Variants in PTPRK observed in about 807,000 individuals in gnomAD.
PTPRK encodes the protein receptor-type tyrosine-protein phosphatase kappa.
In PTPRK, 75 loss-of-function variants were observed where a neutral mutation model predicts 178.0. The ratio of observed to expected loss-of-function variants is 0.42; its 90% CI spans 0.35 to 0.51. The LOEUF (loss-of-function observed/expected upper bound fraction) is 0.51, where lower values mean the gene tolerates loss of function less well. PTPRK is among the 20% of genes least tolerant of loss of function. The probability of loss-of-function intolerance (pLI) is 0.02; values close to 1 mark genes in which losing one functional copy is unlikely to be tolerated. For missense variants in PTPRK, 1,441 were observed against 1,797.8 expected, an observed-to-expected ratio of 0.80 and a Z score of 3.59; for synonymous variants, 637 against 620.6, an observed-to-expected ratio of 1.03 and a Z score of -0.39.
intron 13 of PTPRK, among the ~76,000 whole-genome samples, chr6:128,024,546 C>T (rs371140498): frequency 1.3e-4 from 20 of 152,238 alleles, no homozygotes; most frequent in Admixed American, 7.2e-4. Context: ...TGGTGGCTCA[C>T]GCCTGTAATC....
chr6:128,414,549 T>C (rs1842639578), intron 1 of PTPRK, among the ~76,000 whole-genome samples: 1 of 152,212 alleles, frequency 6.6e-6, no homozygotes, highest in African/African-American at 2.4e-5. Flanking sequence ...AAAAAATGAA[T>C]CAAATAGGTG....
chr6:128,406,676 T>A (rs1024118240), intron 1 of PTPRK, among the ~76,000 whole-genome samples: 6 of 152,170 alleles, frequency 3.9e-5, no homozygotes, highest in African/African-American at 1.4e-4. Flanking sequence ...CCCTTTCTCA[T>A]AAAGACAGCA....
At chr6:128,028,391 C>G (rs1261242888) in intron 13 of PTPRK, among the ~76,000 whole-genome samples, 2 of 152,196 alleles carry the variant, frequency 1.3e-5, no homozygotes, top group African/African-American at 4.8e-5. Flanking sequence ...CTGTTGATAG[C>G]TGCCACCCTG....
chr6:128,193,468 ATACT>A (rs1457976075), intron 6 of PTPRK, among the ~76,000 whole-genome samples: 1 of 148,588 alleles, frequency 6.7e-6, no homozygotes, highest in Non-Finnish European at 1.5e-5. Context: ...AATTGTACTA[ATACT>A]TGTGTGTGTG....
chr6:128,099,894 T>G (rs1049544186), intron 7 of PTPRK, among the ~76,000 whole-genome samples: 2 of 152,076 alleles, frequency 1.3e-5, no homozygotes, highest in African/African-American at 4.8e-5. Context: ...ATTATAAATT[T>G]TATTGATTTG....
chr6:128,418,598 C>T (rs553839973), intron 1 of PTPRK, among the ~76,000 whole-genome samples: 1 of 152,258 alleles, frequency 6.6e-6, no homozygotes, highest in African/African-American at 2.4e-5. Context: ...CAATCCCTCA[C>T]CCTCATCTGG....
chr6:127,979,804 G>C (rs9491896), intron 25 of PTPRK, among the ~76,000 whole-genome samples: 1 of 152,178 alleles, frequency 6.6e-6, no homozygotes, highest in Non-Finnish European at 1.5e-5. Context: ...GGTTTCATAG[G>C]AGAAAGGGCA....
At chr6:128,428,856 C>T (rs1469244613) in intron 1 of PTPRK, among the ~76,000 whole-genome samples, 3 of 152,150 alleles carry the variant, frequency 2.0e-5, no homozygotes, top group African/African-American at 7.2e-5. Flanking sequence ...GTATTCAATA[C>T]ATTGCATGAG....
chr6:128,472,426 C>A (rs1368051560), intron 1 of PTPRK, among the ~76,000 whole-genome samples: 2 of 149,166 alleles, frequency 1.3e-5, no homozygotes, highest in Non-Finnish European at 3.0e-5. Flanking sequence ...TGACACCCCC[C>A]CCCCCTTTAG....
intron 1 of PTPRK, among the ~76,000 whole-genome samples, chr6:128,418,148 A>G (rs927317214): frequency 7.2e-5 from 11 of 152,228 alleles, no homozygotes; most frequent in African/African-American, 2.7e-4. Flanking sequence ...ACCATCTAAA[A>G]TCCATTAGGT....
chr6:128,309,884 TA>T (rs147835641), intron 3 of PTPRK, among the ~76,000 whole-genome samples: 10,157 of 152,120 alleles, frequency 0.067, 374 homozygotes, highest in Non-Finnish European at 0.071. Flanking sequence ...AAAAATGGTT[TA>T]AGTAATCTCC....
intron 2 of PTPRK, among the ~76,000 whole-genome samples, chr6:128,382,241 T>C (rs1838036275): frequency 6.6e-6 from 1 of 151,190 alleles, no homozygotes; most frequent in South Asian, 2.1e-4. Flanking sequence ...GTTTATATGA[T>C]ATGCTGAGTT....
rs572163680 is a variant in PTPRK, at chr6:127,977,754, C to T, written c.3712-700G>A. ...AATATATTTCCTGTCCCCACATAAGCGGGGAGATAGCTCCTTGTTAACCAA... is the reference window on the plus strand; with the variant it reads ...AATATATTTCCTGTCCCCACATAAGTGGGGAGATAGCTCCTTGTTAACCAA... On this transcript the variant is annotated intron_variant, in intron 25 of 29. Coordinates refer to ENST00000368226, the MANE Select transcript of PTPRK (RefSeq NM_002844.4). 6.6e-5 allele frequency among the ~76,000 whole-genome samples: 10 copies of T among 152,240 alleles called. No individual in the cohort carries two copies. The South Asian group carries it at 1.5e-3, about 22-fold the overall frequency.
intron 6 of PTPRK, among the ~76,000 whole-genome samples, chr6:128,204,098 T>C (rs937304131): frequency 6.6e-6 from 1 of 151,824 alleles, no homozygotes; most frequent in African/African-American, 2.4e-5. Flanking sequence ...TGGAACAGAA[T>C]AGAGAATTCA....
intron 13 of PTPRK, among the ~76,000 whole-genome samples, chr6:128,026,361 A>C (rs1209087569): frequency 6.6e-6 from 1 of 152,212 alleles, no homozygotes; most frequent in Non-Finnish European, 1.5e-5. Flanking sequence ...AAGTTAAAGA[A>C]AAAATACAGT....
chr6:128,150,780 T>C (rs1797133874), intron 7 of PTPRK, among the ~76,000 whole-genome samples: 1 of 152,178 alleles, frequency 6.6e-6, no homozygotes, highest in Admixed American at 6.6e-5. Flanking sequence ...TGTCAAATCC[T>C]GGCTCTATCT....
chr6:128,008,007 G>T, intron 14 of PTPRK: 1 of 1,263,028 alleles, frequency 7.9e-7, no homozygotes, highest in Non-Finnish European at 1.1e-6. Context: ...GGGAAAGCAC[G>T]TATGTAGCTA....
intron 3 of PTPRK, among the ~76,000 whole-genome samples, chr6:128,299,414 G>A (rs574269266): frequency 0.012 from 1,901 of 152,206 alleles, 40 homozygotes; most frequent in African/African-American, 0.044. Context: ...GCACTGCCAA[G>A]TCAATCCTAA....
In PTPRK at chr6:128,099,198, T is replaced by G. The variant is rs866983203; in HGVS notation, c.1163-9206A>C. Among the ~76,000 whole-genome samples, 45 of 148,992 alleles carry G rather than the reference T, an allele frequency of 3.0e-4. 1 individual carries two copies. The highest frequency in any genetic ancestry group is 2.6e-3 in the Admixed American group (39 of 14,972). On this transcript the variant is annotated intron_variant, in intron 7 of 29. Coordinates refer to ENST00000368226, the MANE Select transcript of PTPRK (RefSeq NM_002844.4). ...TACATTTATATATATATATATATAT[T>G]TTTTCTTTTTTATCCAAATCCCTCT...
Sources: gnomAD v4.1 joint callset for allele counts (sites outside exome capture counted in the v4.1 genomes callset) on GRCh38, gnomAD v4.1.1 for gene constraint, MANE v1.5 for transcripts, NCBI Gene and HGNC (gene_info 2026-07-23, HGNC 2026-07-21) for gene names.